TXNDC16: variants seen among roughly 807,000 people sequenced by gnomAD.
TXNDC16 encodes the protein thioredoxin domain containing 16, also known as thioredoxin domain-containing protein 16.
In TXNDC16, 74 loss-of-function variants were observed where a neutral mutation model predicts 85.6. The ratio of observed to expected loss-of-function variants is 0.86; its 90% CI spans 0.72 to 1.05. The LOEUF (loss-of-function observed/expected upper bound fraction) is 1.05. Among genes scored for constraint, TXNDC16 ranks in the 50% least tolerant of loss-of-function variants. The pLI is 0.00. For missense variants in TXNDC16, 959 were observed against 947.0 expected, an observed-to-expected ratio of 1.01 and a Z score of -0.17; for synonymous variants, 335 against 326.5, an observed-to-expected ratio of 1.03 and a Z score of -0.28.
At chr14:52,484,201 G>A (rs190520545) in intron 12 of TXNDC16, among the ~76,000 whole-genome samples, 1 of 150,872 alleles carries the variant, frequency 6.6e-6, no homozygotes, top group South Asian at 2.1e-4. Flanking sequence ...AACAATAAGG[G>A]GGGGGGGTGA....
intron 6 of TXNDC16, among the ~76,000 whole-genome samples, chr14:52,520,330 T>C (rs1212494807): frequency 6.6e-6 from 1 of 152,190 alleles, no homozygotes; most frequent in Middle Eastern, 3.2e-3. Context: ...TTTTTTAAAG[T>C]TGTCTACTTC....
At position 52,540,823 on chromosome 14, in the gene TXNDC16, T is replaced by C. The variant is rs542002295; in HGVS notation, c.243+1548A>G. On this transcript the variant is annotated intron_variant, in intron 4 of 20. Coordinates refer to ENST00000281741, the MANE Select transcript of TXNDC16 (RefSeq NM_020784.3). Reference sequence around the variant, plus strand: ...AGATTAAATATGGTAAGCTCATTTCTATCTCACAAATATTTACTCAGCACT... The same window carrying C: ...AGATTAAATATGGTAAGCTCATTTCCATCTCACAAATATTTACTCAGCACT... Among the ~76,000 whole-genome samples the C allele has an allele frequency of 4.6e-5, 7 of 152,362 alleles. No homozygotes were observed. In the South Asian group the frequency reaches 1.4e-3, roughly 32 times the overall value.
chr14:52,447,614 C>T (rs894728388), intron 18 of TXNDC16, among the ~76,000 whole-genome samples: 13 of 152,066 alleles, frequency 8.5e-5, no homozygotes, highest in Admixed American at 5.9e-4. Context: ...GAAGAGAACA[C>T]CTTTAACGCC....
At chr14:52,515,699 G>A (rs2037068114) in intron 7 of TXNDC16, among the ~76,000 whole-genome samples, 1 of 150,846 alleles carries the variant, frequency 6.6e-6, no homozygotes. Flanking sequence ...GTGTGTGTGT[G>A]TGTGTGTGTG....
chr14:52,457,180 A>T lies in TXNDC16; in HGVS notation c.1619-6T>A, dbSNP rs1199602734. 5 of 1,548,758 alleles carry T rather than the reference A, an allele frequency of 3.2e-6. No homozygotes were observed. Among genetic ancestry groups the T allele is most frequent in the Non-Finnish European group, 4.4e-6 (5 of 1,141,508 alleles). The stretch of plus-strand genomic sequence containing the variant: ...TTCACTAAAATCTTCTTTTGCTATA[A>T]ATACATAGAGAAGACAAAAATCTGA... On this transcript the variant is annotated splice_region_variant and splice_polypyrimidine_tract_variant and intron_variant, in intron 16 of 20. Transcript: ENST00000281741.
intron 14 of TXNDC16, among the ~76,000 whole-genome samples, chr14:52,481,709 C>A (rs1490317768): frequency 6.6e-6 from 1 of 152,090 alleles, no homozygotes; most frequent in Non-Finnish European, 1.5e-5. Flanking sequence ...AGTTAAAGTC[C>A]ATTCCTTGGA....
rs368483603 is a variant in TXNDC16, at chr14:52,490,460, A to G, written c.924-9T>C. 24 of 1,588,296 alleles carry G rather than the reference A, an allele frequency of 1.5e-5. No individual in the cohort carries two copies. The highest frequency in any genetic ancestry group is 2.0e-5 in the Non-Finnish European group (23 of 1,168,220). On this transcript the variant is annotated splice_polypyrimidine_tract_variant and intron_variant, in intron 10 of 20. Transcript: ENST00000281741. ...TCACTTCCAAAGAGTCCCTTTTTCA[A>G]AATGGAAATAAATGTTTTATGTTGC...
chr14:52,434,108 G>C (rs957375065), intron 20 of TXNDC16, among the ~76,000 whole-genome samples: 1 of 152,208 alleles, frequency 6.6e-6, no homozygotes, highest in African/African-American at 2.4e-5. Context: ...AGGTACACTT[G>C]AGCCCAGATG....
At position 52,456,061 on chromosome 14, in the gene TXNDC16, G is replaced by A. The variant is rs151100183; in HGVS notation, c.1704-599C>T. On this transcript the variant is annotated intron_variant, in intron 17 of 20. Transcript: ENST00000281741. The stretch of plus-strand genomic sequence containing the variant: ...AATCCACCCTCCCACAATCCCTTTC[G>A]CTAACTAAACCTAAAAGAAAATTAT... Among the ~76,000 whole-genome samples, 59 of 151,996 alleles carry A rather than the reference G, an allele frequency of 3.9e-4. No individual in the cohort carries two copies. The East Asian group carries it at 4.1e-3, about 10-fold the overall frequency.
In TXNDC16 at chr14:52,501,930, G is replaced by A. The variant is rs550038530; in HGVS notation, c.756+9310C>T. ...ATTCTAACATCTTCCTAATTCCACC[G>A]GGGTAAGCCTTAGCCACCCGCCAAT... is the stretch of plus-strand genomic sequence containing the variant. On this transcript the variant is annotated intron_variant, in intron 9 of 20. Transcript: ENST00000281741. Among the ~76,000 whole-genome samples, 24 of 152,216 alleles carry A rather than the reference G, an allele frequency of 1.6e-4. No individual in the cohort carries two copies. The South Asian group carries it at 3.1e-3, about 20-fold the overall frequency.
chr14:52,536,927 C>T (rs1188764549), intron 5 of TXNDC16, 134 bp from the exon 6 acceptor site: 1 of 649,298 alleles, frequency 1.5e-6, no homozygotes, highest in Non-Finnish European at 2.6e-6. Context: ...CCACATACTC[C>T]ACATACCTAC....
Position 52,440,713 on chromosome 14 carries a change from A to T in TXNDC16, c.1854T>A (p.Thr618=). The T allele has an allele frequency of 6.2e-7, 1 of 1,605,974 alleles. No homozygotes were observed. The highest frequency in any genetic ancestry group is 8.5e-7 in the Non-Finnish European group (1 of 1,177,844). ...DALLEMFPEI[T]VENLPSYFRL... ...TGAAATAACTGGGAAGATTTTCCACAGTGATTTCCGGCTGTCAAAGAAAAG... is the reference window on the plus strand; with the variant it reads ...TGAAATAACTGGGAAGATTTTCCACTGTGATTTCCGGCTGTCAAAGAAAAG... Residue 618 remains threonine, a synonymous_variant, in exon 19 of 21, where the codon ACT becomes ACA. Transcript: ENST00000281741.
chr14:52,467,122 TCA>T (rs766556106), intron 16 of TXNDC16, among the ~76,000 whole-genome samples: 12 of 151,188 alleles, frequency 7.9e-5, no homozygotes, highest in East Asian at 5.8e-4. Flanking sequence ...CAGACATATA[TCA>T]CACACACACA....
At position 52,542,561 on chromosome 14, in the gene TXNDC16, A is replaced by G. The variant is rs2037854972; in HGVS notation, c.161-108T>C. On this transcript the variant is annotated intron_variant, in intron 3 of 20. Transcript: ENST00000281741. ...ATTTGTCCAACTAGCATGCAACAAC[A>G]AATAACTAAACATATCTCATTACAT... The G allele has an allele frequency of 4.5e-6, 3 of 667,644 alleles. No homozygotes were observed. The South Asian group carries it at 6.0e-5, about 13-fold the overall frequency. 41.4% of individuals were successfully genotyped at this position (667,644 alleles called of 1,614,324 possible).
At chr14:52,473,754 T>C (rs889559269) in intron 14 of TXNDC16, among the ~76,000 whole-genome samples, 30 of 152,186 alleles carry the variant, frequency 2.0e-4, no homozygotes, top group African/African-American at 7.0e-4. Flanking sequence ...ATTATGTAAG[T>C]ATAAAATTTT....
intron 6 of TXNDC16, among the ~76,000 whole-genome samples, chr14:52,523,444 T>C (rs149175722): frequency 8.5e-5 from 13 of 152,284 alleles, no homozygotes; most frequent in African/African-American, 2.6e-4. Flanking sequence ...ATTTCTGTCA[T>C]CATTCAAATT....
At chr14:52,494,142 G>GATATAT (rs60266134) in intron 9 of TXNDC16, among the ~76,000 whole-genome samples, 1 of 148,968 alleles carries the variant, frequency 6.7e-6, no homozygotes, top group Non-Finnish European at 1.5e-5. Flanking sequence ...TTTTAGGAAA[G>GATATAT]ATATATATAT....
chr14:52,523,408 TGA>T (rs1481536867), intron 6 of TXNDC16, among the ~76,000 whole-genome samples: 1 of 152,186 alleles, frequency 6.6e-6, no homozygotes, highest in Admixed American at 6.5e-5. Context: ...CAATCTTTTC[TGA>T]GATACAGACA....
At chr14:52,455,700 C>T (rs545856380) in intron 17 of TXNDC16, among the ~76,000 whole-genome samples, 16 of 152,182 alleles carry the variant, frequency 1.1e-4, no homozygotes, top group African/African-American at 3.6e-4. Context: ...AGTAATCTAG[C>T]CATATTTTTT....
Sources: allele counts gnomAD v4.1 joint callset (sites outside exome capture counted in the v4.1 genomes callset), GRCh38; gene constraint gnomAD v4.1.1; transcripts MANE v1.5; gene names NCBI Gene and HGNC (gene_info 2026-07-23, HGNC 2026-07-21).